STX2: variants seen among roughly 807,000 people sequenced by gnomAD.
STX2 encodes the protein syntaxin-2.
STX2 carries 27 observed loss-of-function variants against 40.6 expected under a neutral mutation model. The ratio of observed to expected loss-of-function variants is 0.66; its 90% CI spans 0.49 to 0.92. STX2 has a LOEUF of 0.92. Among genes scored for constraint, STX2 ranks in the 40% least tolerant of loss-of-function variants. STX2 has a pLI of 0.00. For missense variants in STX2, 328 were observed against 366.1 expected (o/e 0.90, Z 0.85); for synonymous variants, 123 against 119.1 (o/e 1.03, Z -0.22).
intron 4 of STX2, among the ~76,000 whole-genome samples, chr12:130,809,285 A>T (rs1308701384): frequency 6.6e-6 from 1 of 152,230 alleles, no homozygotes; most frequent in Non-Finnish European, 1.5e-5. Context: ...GAAAACACAC[A>T]TACAAAAAAA....
chr12:130,808,527 G>T, intron 5 of STX2, 104 bp downstream of exon 5: 3 of 999,230 alleles, frequency 3.0e-6, no homozygotes, highest in East Asian at 2.5e-5. Flanking sequence ...ATACTATGAG[G>T]ATAAGCATGA....
intron 1 of STX2, among the ~76,000 whole-genome samples, chr12:130,827,991 C>G (rs1278950653): frequency 6.6e-6 from 1 of 152,180 alleles, no homozygotes; most frequent in Non-Finnish European, 1.5e-5. Context: ...AGAAGAACGA[C>G]CATTGATCAG....
At chr12:130,796,152 G>A (rs1951021606) in intron 9 of STX2, 32 bp from the exon 10 acceptor site, 1 of 1,612,612 alleles carries the variant, frequency 6.2e-7, no homozygotes, top group Non-Finnish European at 8.5e-7. Context: ...ATTATATCAT[G>A]CATGGTTAAT....
At chr12:130,837,592 A>AT (rs1041430219) in intron 1 of STX2, among the ~76,000 whole-genome samples, 1 of 152,050 alleles carries the variant, frequency 6.6e-6, no homozygotes, top group Non-Finnish European at 1.5e-5. Context: ...CCTCCTGCTA[A>AT]TTTTTTAATT....
intron 3 of STX2, among the ~76,000 whole-genome samples, chr12:130,814,556 T>C (rs572814792): frequency 2.0e-4 from 30 of 151,882 alleles, no homozygotes; most frequent in Admixed American, 1.9e-3. Flanking sequence ...TTGGGGCTTT[T>C]ACTGAGGGCA....
chr12:130,839,001 CGA>C, intron 1 of STX2, 67 bp downstream of exon 1: 5 of 1,264,246 alleles, frequency 4.0e-6, no homozygotes, highest in Non-Finnish European at 5.0e-6. Context: ...CAAGACGCCC[CGA>C]GCCCCCGCCC....
At chr12:130,819,836 C>T (rs764703967) in intron 3 of STX2, among the ~76,000 whole-genome samples, 8 of 151,968 alleles carry the variant, frequency 5.3e-5, no homozygotes, top group Non-Finnish European at 8.8e-5. Context: ...GGCGACGGCA[C>T]GAAGAGGTCC....
intron 3 of STX2, among the ~76,000 whole-genome samples, chr12:130,819,063 C>T (rs1271114525): frequency 6.6e-6 from 1 of 152,270 alleles, no homozygotes; most frequent in Non-Finnish European, 1.5e-5. Context: ...GTCCACCTCT[C>T]TGCCCTGGGA....
chr12:130,814,212 C>T (rs1033778088), intron 3 of STX2, among the ~76,000 whole-genome samples: 3 of 152,046 alleles, frequency 2.0e-5, no homozygotes, highest in Non-Finnish European at 2.9e-5. Flanking sequence ...TGTGCAGGCC[C>T]GTGTCATCTA....
rs779133898 is a variant in STX2, at chr12:130,806,972, C to G, written c.463+10G>C. 1.2e-6 allele frequency: 2 copies of G among 1,611,628 alleles called. No individual in the cohort carries two copies. The highest frequency in any genetic ancestry group is 2.2e-5 in the South Asian group (2 of 91,038). ...ATGATTTTAACAAAGACGGAGTCTC[C>G]ATTACTCACTTATCTCCAGCTGGCG... On this transcript the variant is annotated intron_variant, in intron 6 of 10. Coordinates refer to ENST00000392373, the MANE Select transcript of STX2 (RefSeq NM_194356.4).
At position 130,826,889 on chromosome 12, in the gene STX2, G is replaced by T. The variant is rs1039559708; in HGVS notation, c.105+304C>A. 2.6e-5 allele frequency among the ~76,000 whole-genome samples: 4 copies of T among 151,544 alleles called. No homozygotes were observed. In the East Asian group the frequency reaches 7.8e-4, roughly 30 times the overall value. ...CTGGGTGTGGTGGCACACACCTGTG[G>T]TCCCAGCTACTTGGGAGGCTGACGC... On this transcript the variant is annotated intron_variant, in intron 2 of 10. Coordinates refer to ENST00000392373, the MANE Select transcript of STX2 (RefSeq NM_194356.4).
chr12:130,830,460 G>A (rs768909611), intron 1 of STX2, among the ~76,000 whole-genome samples: 6 of 152,122 alleles, frequency 3.9e-5, no homozygotes, highest in Non-Finnish European at 5.9e-5. Flanking sequence ...CTGAACCCAC[G>A]GCACGGGCGG....
chr12:130,833,319 A>G (rs1274799473), intron 1 of STX2, among the ~76,000 whole-genome samples: 1 of 151,978 alleles, frequency 6.6e-6, no homozygotes, highest in Non-Finnish European at 1.5e-5. Context: ...AAGGACAGGA[A>G]GGACCTCAGT....
chr12:130,814,899 T>C lies in STX2; in HGVS notation c.206-1868A>G, dbSNP rs1951803161. On this transcript the variant is annotated intron_variant, in intron 3 of 10. Transcript: ENST00000392373. ...ATCCGCCCACCTCAGCCTCCCAAAG[T>C]GCTGGGATTACAGGCGTGAGCCACT... 2.0e-5 allele frequency among the ~76,000 whole-genome samples: 3 copies of C among 152,090 alleles called. No individual in the cohort carries two copies. In the South Asian group the frequency reaches 6.2e-4, roughly 31 times the overall value.
chr12:130,812,539 T>C (rs1951701252), intron 4 of STX2: 3 of 283,502 alleles, frequency 1.1e-5, no homozygotes, highest in African/African-American at 6.9e-5. Flanking sequence ...TTCTACCAAA[T>C]CGAGAAAAAG....
chr12:130,808,794 G>C, intron 4 of STX2, 90 bp from the exon 5 acceptor site: 1 of 1,143,518 alleles, frequency 8.7e-7, no homozygotes, highest in Non-Finnish European at 1.3e-6. Context: ...TCTTATCTTT[G>C]AAGTATCTTT....
In STX2 at chr12:130,812,954, T is replaced by TA. The variant is rs1951716020; in HGVS notation, c.280+2dup. ...ATAATTAAACATAAAACTTCAAACT[T>TA]ACCCTTTAACTTGGCTCGAATTTTA... On this transcript the variant is annotated splice_region_variant and intron_variant, in intron 4 of 10. Transcript: ENST00000392373. 2 of 1,549,164 alleles carry TA rather than the reference T, an allele frequency of 1.3e-6. No individual in the cohort carries two copies. Among genetic ancestry groups the TA allele is most frequent in the South Asian group, 2.5e-5 (2 of 79,228 alleles).
Position 130,821,653 on chromosome 12 carries a change from C to CA in STX2, c.205+35dup, listed in dbSNP as rs765940282. The CA allele has an allele frequency of 1.2e-3, 1,826 of 1,546,600 alleles. 6 individuals carry two copies. The highest frequency in any genetic ancestry group is 1.6e-3 in the Non-Finnish European group (1,771 of 1,118,894). On this transcript the variant is annotated intron_variant, in intron 3 of 10. Coordinates refer to ENST00000392373, the MANE Select transcript of STX2 (RefSeq NM_194356.4). ...GCAGACAGCCAGAGGGACACACAGA[C>CA]AGACAAACGTTTTGTTGTGAAAACC... is the stretch of plus-strand genomic sequence containing the variant.
chr12:130,798,660 A>G, intron 8 of STX2, 25 bp from the exon 9 acceptor site: 5 of 1,557,166 alleles, frequency 3.2e-6, no homozygotes, highest in Non-Finnish European at 3.5e-6. Context: ...TTTCAAACTT[A>G]GAAGACATTT....
Sources: allele counts gnomAD v4.1 joint callset (sites outside exome capture counted in the v4.1 genomes callset), GRCh38; gene constraint gnomAD v4.1.1; transcripts MANE v1.5; gene names NCBI Gene and HGNC (gene_info 2026-07-23, HGNC 2026-07-21).